FAM163A: variants seen among roughly 807,000 people sequenced by gnomAD.
FAM163A encodes the protein family with sequence similarity 163 member A.
FAM163A carries 7 observed loss-of-function variants against 12.0 expected under a neutral mutation model. The ratio of observed to expected loss-of-function variants is 0.58; its 90% confidence interval spans 0.33 to 1.10. The LOEUF (loss-of-function observed/expected upper bound fraction) is 1.10, where lower values mean the gene tolerates loss of function less well. FAM163A is among the 50% of genes least tolerant of loss of function. The probability of loss-of-function intolerance (pLI) is 0.03; values close to 1 mark genes in which losing one functional copy is unlikely to be tolerated. For missense variants in FAM163A, 202 were observed against 218.6 expected (o/e 0.92, Z 0.48); for synonymous variants, 101 against 91.0 (o/e 1.11, Z -0.62).
chr1:179,789,659 G>T (rs1481166140), intron 1 of FAM163A, among the ~76,000 whole-genome samples: 1 of 152,208 alleles, frequency 6.6e-6, no homozygotes, highest in East Asian at 1.9e-4. Context: ...AGTGGTGAAA[G>T]ACTTAACATT....
chr1:179,775,830 G>T (rs1316969642), intron 1 of FAM163A, among the ~76,000 whole-genome samples: 1 of 152,218 alleles, frequency 6.6e-6, no homozygotes, highest in Non-Finnish European at 1.5e-5. Context: ...TATTCTAGCA[G>T]TGAAGAACAG....
chr1:179,736,061 T>C, the FAM163A span, among the ~76,000 whole-genome samples: 1 of 152,172 alleles, frequency 6.6e-6, no homozygotes, highest in Non-Finnish European at 1.5e-5. Context: ...GTGTAAGACC[T>C]GAAACTATAA....
chr1:179,805,058 A>AT (rs959635286), intron 1 of FAM163A, among the ~76,000 whole-genome samples: 5 of 152,050 alleles, frequency 3.3e-5, no homozygotes, highest in Non-Finnish European at 7.4e-5. Flanking sequence ...AGCAACTTTA[A>AT]TTTTTTTTCT....
Position 179,800,453 on chromosome 1 carries a change from C to T in FAM163A, c.-135-7345C>T, listed in dbSNP as rs1172725213. Among the ~76,000 whole-genome samples the T allele has an allele frequency of 2.0e-5, 3 of 152,234 alleles. No homozygotes were observed. In the East Asian group the frequency reaches 5.8e-4, roughly 29 times the overall value. On this transcript the variant is annotated intron_variant, in intron 1 of 4. Coordinates refer to ENST00000341785, the MANE Select transcript of FAM163A (RefSeq NM_173509.3). ...GCAAATATTTATTTGTAACCCCAAG[C>T]ACTGAACAAGCCTGATGGATATGCC...
the FAM163A span, among the ~76,000 whole-genome samples, chr1:179,735,445 G>A: frequency 7.1e-6 from 1 of 141,542 alleles, no homozygotes; most frequent in African/African-American, 2.6e-5. Flanking sequence ...AGGTATGGAT[G>A]TTGCTAAACC....
chr1:179,732,205 A>T, the FAM163A span, among the ~76,000 whole-genome samples: 154 of 152,362 alleles, frequency 1.0e-3, 2 homozygotes, highest in Middle Eastern at 3.4e-3. Flanking sequence ...TCTGAATAAG[A>T]AATTGCTCCT....
At chr1:179,750,966 G>A (rs1685195660) in intron 1 of FAM163A, among the ~76,000 whole-genome samples, 1 of 152,146 alleles carries the variant, frequency 6.6e-6, no homozygotes, top group Non-Finnish European at 1.5e-5. Flanking sequence ...GGGTGTGGAG[G>A]ATGAGTTCCA....
chr1:179,730,208 G>C, the FAM163A span: 2 of 152,250 alleles, frequency 1.3e-5, no homozygotes, highest in South Asian at 4.1e-4. Context: ...GAAGCCATCC[G>C]AATGCCACGT....
At chr1:179,739,797 C>T (rs4651049), upstream of FAM163A, among the ~76,000 whole-genome samples, 45,041 of 151,844 alleles carry the variant, frequency 0.3, 7,243 homozygotes, top group East Asian at 0.63. Context: ...TAAGCACGAG[C>T]CCCTGAAGAC....
intron 1 of FAM163A, among the ~76,000 whole-genome samples, chr1:179,793,547 G>A (rs1691826336): frequency 6.6e-6 from 1 of 152,160 alleles, no homozygotes; most frequent in African/African-American, 2.4e-5. Context: ...GCTATTAGGG[G>A]GCAGTGAAAC....
chr1:179,736,054 T>C, the FAM163A span, among the ~76,000 whole-genome samples: 1 of 152,150 alleles, frequency 6.6e-6, no homozygotes, highest in African/African-American at 2.4e-5. Context: ...GGCTGAAGTG[T>C]AAGACCTGAA....
Position 179,815,114 on chromosome 1 carries a change from G to GCGCGC in FAM163A, c.*925_*926insCGCGC, listed in dbSNP as rs1695209138. 2 of 129,918 alleles carry GCGCGC rather than the reference G, an allele frequency of 1.5e-5. No homozygotes were observed. The highest frequency in any genetic ancestry group is 7.5e-5 in the African/African-American group (2 of 26,626). The allele number at this position is 129,918 out of a possible 1,614,324, so 8.0% of individuals were successfully genotyped here. ...GTACGCACGCGCGCGCGCGCGCACAGACACACACACACACACACACACACA... is the reference window on the plus strand; with the variant it reads ...GTACGCACGCGCGCGCGCGCGCACAGCGCGCACACACACACACACACACACACACA... On this transcript the variant is annotated 3_prime_UTR_variant, in exon 5 of 5. Transcript: ENST00000341785.
At chr1:179,761,112 T>G (rs897240634) in intron 1 of FAM163A, among the ~76,000 whole-genome samples, 3 of 152,070 alleles carry the variant, frequency 2.0e-5, no homozygotes, top group Admixed American at 6.6e-5. Context: ...CATGAAAAAA[T>G]AGTCATGATA....
At chr1:179,749,338 G>A (rs1684942980) in intron 1 of FAM163A, among the ~76,000 whole-genome samples, 1 of 152,158 alleles carries the variant, frequency 6.6e-6, no homozygotes, top group Non-Finnish European at 1.5e-5. Flanking sequence ...AGGGATAAGG[G>A]GCTGTGGGAA....
intron 1 of FAM163A, among the ~76,000 whole-genome samples, chr1:179,744,287 G>T (rs1435244478): frequency 6.6e-6 from 1 of 152,042 alleles, no homozygotes; most frequent in Non-Finnish European, 1.5e-5. Context: ...CGCTCAAGGC[G>T]CCGGCCACAC....
intron 1 of FAM163A, among the ~76,000 whole-genome samples, chr1:179,765,008 C>T (rs1040509658): frequency 3.3e-5 from 5 of 152,208 alleles, no homozygotes; most frequent in African/African-American, 9.6e-5. Context: ...TCACAGAGAT[C>T]GCGGGATCTC....
chr1:179,752,138 A>G (rs1160092508), intron 1 of FAM163A, among the ~76,000 whole-genome samples: 1 of 152,206 alleles, frequency 6.6e-6, no homozygotes, highest in East Asian at 1.9e-4. Flanking sequence ...TCACAAATAA[A>G]TCCACACATG....
At chr1:179,813,006 G>A in intron 3 of FAM163A, 70 bp from the exon 4 acceptor site, 1 of 1,442,186 alleles carries the variant, frequency 6.9e-7, no homozygotes, top group East Asian at 2.5e-5. Context: ...GCAGTTCCAG[G>A]AAGACTCCCC....
chr1:179,747,440 C>T (rs1337092491), intron 1 of FAM163A, among the ~76,000 whole-genome samples: 1 of 152,192 alleles, frequency 6.6e-6, no homozygotes, highest in Non-Finnish European at 1.5e-5. Flanking sequence ...GGTGATGGGA[C>T]AGGCTGTTGA....
Sources: gnomAD v4.1 joint callset for allele counts (sites outside exome capture counted in the v4.1 genomes callset) on GRCh38, gnomAD v4.1.1 for gene constraint, MANE v1.5 for transcripts, NCBI Gene and HGNC (gene_info 2026-07-23, HGNC 2026-07-21) for gene names.